The following ENOX1 variants were observed in gnomAD, a reference collection of about 807,000 sequenced individuals.
ENOX1 encodes the protein ecto-NOX disulfide-thiol exchanger 1.
A neutral mutation model predicts 82.5 loss-of-function variants in ENOX1; 42 were observed. That is an observed-to-expected ratio of 0.51 (90% confidence interval 0.40 to 0.66). ENOX1 has a LOEUF of 0.66. Among genes scored for constraint, ENOX1 ranks in the 30% least tolerant of loss-of-function variants. ENOX1 has a pLI of 0.00. For missense variants in ENOX1, 608 were observed against 811.6 expected, an observed-to-expected ratio of 0.75 and a Z score of 3.05; for synonymous variants, 271 against 282.2, an observed-to-expected ratio of 0.96 and a Z score of 0.40.
At chr13:43,416,530 C>T (rs1192133883) in intron 3 of ENOX1, among the ~76,000 whole-genome samples, 2 of 149,502 alleles carry the variant, frequency 1.3e-5, no homozygotes, top group African/African-American at 2.5e-5. Flanking sequence ...CTCCTCACTT[C>T]CCAGACAGGG....
chr13:43,224,141 G>C lies in ENOX1; in HGVS notation c.1715-3C>G, dbSNP rs760056253. 1 of 1,610,724 alleles carries C rather than the reference G, an allele frequency of 6.2e-7. No individual in the cohort carries two copies. The highest frequency in any genetic ancestry group is 8.5e-7 in the Non-Finnish European group (1 of 1,177,182). On this transcript the variant is annotated splice_polypyrimidine_tract_variant and splice_region_variant and intron_variant, in intron 15 of 16. Transcript: ENST00000690772. ...GTGAAGAAACGTTGATATGATACCT[G>C]AATTAAAAAGGCAAACATTGGAAAT...
chr13:43,437,654 C>A (rs867810260), intron 3 of ENOX1, among the ~76,000 whole-genome samples: 13 of 152,142 alleles, frequency 8.5e-5, no homozygotes, highest in African/African-American at 2.9e-4. Context: ...TTAAGCAATA[C>A]GCCAAAGAAT....
rs2043598400 is a variant in ENOX1 at position 43,253,847 on chromosome 13, C to G, written c.1611+11551G>C. Among the ~76,000 whole-genome samples the G allele has an allele frequency of 2.6e-5, 4 of 152,286 alleles. No individual in the cohort carries two copies. In the South Asian group the frequency reaches 8.3e-4, roughly 32 times the overall value. ...GGGCTCCCGACTCTTTCCATAGATGCTACTGAATGTTCCTCCTGTTCCTTG... is the reference window on the plus strand; with the variant it reads ...GGGCTCCCGACTCTTTCCATAGATGGTACTGAATGTTCCTCCTGTTCCTTG... On this transcript the variant is annotated intron_variant, in intron 14 of 16. Coordinates refer to ENST00000690772, the MANE Select transcript of ENOX1 (RefSeq NM_001347969.2).
chr13:43,706,843 T>G (rs1199420158), intron 1 of ENOX1, among the ~76,000 whole-genome samples: 1 of 152,074 alleles, frequency 6.6e-6, no homozygotes, highest in Non-Finnish European at 1.5e-5. Context: ...AAATATCCAC[T>G]CCTACCACTT....
chr13:43,711,638 T>C (rs1372405139), intron 1 of ENOX1, among the ~76,000 whole-genome samples: 2 of 152,196 alleles, frequency 1.3e-5, no homozygotes, highest in Non-Finnish European at 2.9e-5. Context: ...TGGTATCTCA[T>C]TGTGGTTTTG....
At chr13:43,254,665 T>C (rs1475053236) in intron 14 of ENOX1, among the ~76,000 whole-genome samples, 1 of 152,172 alleles carries the variant, frequency 6.6e-6, no homozygotes, top group East Asian at 1.9e-4. Flanking sequence ...TTAGAGTACA[T>C]CTGTGGCATG....
chr13:43,478,225 C>T (rs183573275), intron 3 of ENOX1, among the ~76,000 whole-genome samples: 221 of 152,102 alleles, frequency 1.5e-3, no homozygotes, highest in African/African-American at 5.0e-3. Flanking sequence ...TCTGAAAAAA[C>T]AGACTCCGTG....
rs565810960 is a variant in ENOX1 at position 43,598,715 on chromosome 13, C to T, written c.-219+68764G>A. Among the ~76,000 whole-genome samples, 4 of 152,264 alleles carry T rather than the reference C, an allele frequency of 2.6e-5. No homozygotes were observed. The South Asian group carries it at 6.2e-4, about 24-fold the overall frequency. ...ATTAAACTACAGATGATACAGTGTG[C>T]TATGTTCAAAACTGTAGAAAAATGT... On this transcript the variant is annotated intron_variant, in intron 2 of 16. Coordinates refer to ENST00000690772, the MANE Select transcript of ENOX1 (RefSeq NM_001347969.2).
intron 3 of ENOX1, among the ~76,000 whole-genome samples, chr13:43,433,027 T>C (rs937583250): frequency 1.3e-5 from 2 of 152,162 alleles, no homozygotes; most frequent in Non-Finnish European, 2.9e-5. Context: ...ACCATGCATG[T>C]CTGAGGTCTG....
chr13:43,355,922 T>C lies in ENOX1; in HGVS notation c.820A>G (p.Lys274Glu). 1 of 1,611,908 alleles carries C rather than the reference T, an allele frequency of 6.2e-7. No individual in the cohort carries two copies. The change falls in exon 8 of 17, where the codon AAA (lysine) becomes GAA (glutamate). Residue 274 changes from lysine (K) to glutamate (E), a missense_variant. Physicochemically the swap from Lys to Glu is moderately conservative, Grantham distance 56. Transcript: ENST00000690772. The part of the protein sequence containing the change: ...HEAALLAEKL[K>E]DDSKFSEAIT... ...AGCCAGCGTGGGTGGCCCATACCTT[T>C]CAGCTTTTCAGCCAGCAGAGCGGCT...
intron 1 of ENOX1, among the ~76,000 whole-genome samples, chr13:43,778,554 G>A (rs918857042): frequency 6.6e-6 from 1 of 150,410 alleles, no homozygotes; most frequent in African/African-American, 2.5e-5. Flanking sequence ...TCACCTCTTC[G>A]CCAAGAGCAA....
intron 2 of ENOX1, among the ~76,000 whole-genome samples, chr13:43,597,451 T>A (rs2081520578): frequency 6.6e-6 from 1 of 152,158 alleles, no homozygotes; most frequent in Admixed American, 6.5e-5. Context: ...TTGACTCACC[T>A]CTTCCTGTCA....
intron 8 of ENOX1, 141 bp from the exon 9 acceptor site, chr13:43,344,891 A>G: frequency 1.3e-6 from 1 of 774,296 alleles, no homozygotes; most frequent in South Asian, 1.8e-5. Flanking sequence ...CCTGAGACTG[A>G]CTGCCATATC....
chr13:43,734,129 G>A (rs1274151513), intron 1 of ENOX1, among the ~76,000 whole-genome samples: 1 of 152,166 alleles, frequency 6.6e-6, no homozygotes, highest in Non-Finnish European at 1.5e-5. Context: ...AGATGTCAAA[G>A]GAGCATGGCC....
At chr13:43,496,779 T>C (rs928785171) in intron 2 of ENOX1, among the ~76,000 whole-genome samples, 3 of 152,196 alleles carry the variant, frequency 2.0e-5, no homozygotes, top group African/African-American at 7.2e-5. Flanking sequence ...TGATAACATA[T>C]TCTGTTCCAT....
At chr13:43,247,857 ATATATATATATATATATATATATATAT>A (rs2043189397) in intron 14 of ENOX1, among the ~76,000 whole-genome samples, 1 of 1,656 alleles carries the variant, frequency 6.0e-4, no homozygotes, top group Non-Finnish European at 1.2e-3. Flanking sequence ...ATATATATAT[ATATATATATATATATATATATATATAT>A]TTTTTTTTTT....
intron 1 of ENOX1, among the ~76,000 whole-genome samples, chr13:43,680,387 A>G (rs9533586): frequency 0.088 from 13,386 of 152,244 alleles, 930 homozygotes; most frequent in African/African-American, 0.19. Context: ...ACAACTCTCT[A>G]TTCCAGATAG....
chr13:43,489,062 T>C (rs1365703617), intron 2 of ENOX1, among the ~76,000 whole-genome samples: 1 of 138,656 alleles, frequency 7.2e-6, no homozygotes, highest in Non-Finnish European at 1.7e-5. Context: ...AGTGACTGTT[T>C]GGTAAGGAGA....
intron 2 of ENOX1, among the ~76,000 whole-genome samples, chr13:43,567,925 T>A (rs566687539): frequency 6.6e-6 from 1 of 152,342 alleles, no homozygotes; most frequent in Admixed American, 6.5e-5. Context: ...GATTTGTGAA[T>A]TCTAGCCAGA....
Sources: allele counts gnomAD v4.1 joint callset (sites outside exome capture counted in the v4.1 genomes callset), GRCh38; gene constraint gnomAD v4.1.1; transcripts MANE v1.5; gene names NCBI Gene and HGNC (gene_info 2026-07-23, HGNC 2026-07-21).